The following TLN2 variants were observed in gnomAD, a reference collection of about 807,000 sequenced individuals.
TLN2 encodes talin-2.
A neutral mutation model predicts 294.7 loss-of-function variants in TLN2; 118 were observed. That is an observed-to-expected ratio of 0.40 (90% CI 0.34 to 0.47). The LOEUF is 0.47. TLN2 is among the 20% of genes least tolerant of loss of function. The probability of loss-of-function intolerance (pLI) is 0.84; values close to 1 mark genes in which losing one functional copy is unlikely to be tolerated. For synonymous variants in TLN2, 1,431 were observed against 1,304.5 expected (o/e 1.10, Z -2.09); for missense variants, 3,083 against 3,282.2 (o/e 0.94, Z 1.48).
chr15:62,585,426 A>G (rs1015048691), intron 1 of TLN2, among the ~76,000 whole-genome samples: 1 of 152,190 alleles, frequency 6.6e-6, no homozygotes, highest in Non-Finnish European at 1.5e-5. Flanking sequence ...AAGTATGAGT[A>G]TGATCATTTC....
chr15:62,425,835 A>G (rs2034677064), intron 1 of TLN2, among the ~76,000 whole-genome samples: 1 of 152,158 alleles, frequency 6.6e-6, no homozygotes, highest in Non-Finnish European at 1.5e-5. Context: ...TGCTCAGTTA[A>G]TTTACCATCA....
intron 9 of TLN2, among the ~76,000 whole-genome samples, chr15:62,673,417 G>A (rs868734248): frequency 5.1e-5 from 7 of 137,078 alleles, no homozygotes; most frequent in Non-Finnish European, 9.2e-5. Flanking sequence ...CTTGTTTTTC[G>A]CCTCTTCCAT....
In TLN2 at chr15:62,582,247, C is replaced by CACACACACACACACACACACAT. The variant is rs1412650912; in HGVS notation, c.-237-7439_-237-7438insCACACACACACACACACACATA. ...ACACACACACACACACACACACACA[C>CACACACACACACACACACACAT]ATTCATGCCTGACCCATTCCTGACC... is the stretch of plus-strand genomic sequence containing the variant. On this transcript the variant is annotated intron_variant, in intron 1 of 58. Coordinates refer to ENST00000636159, the MANE Select transcript of TLN2 (RefSeq NM_015059.3). Among the ~76,000 whole-genome samples the CACACACACACACACACACACAT allele has an allele frequency of 8.7e-5, 9 of 103,134 alleles. 1 individual carries two copies. Among genetic ancestry groups the CACACACACACACACACACACAT allele is most frequent in the South Asian group, 3.9e-4 (1 of 2,546 alleles). The allele number at this position is 103,134 out of a possible 152,430, so 67.7% of individuals were successfully genotyped here. A position where few individuals can be genotyped will look rare whatever the true frequency, so the allele number is the denominator to read the frequency against.
At chr15:62,740,538 C>G (rs1482406345) in intron 31 of TLN2, 92 bp from the exon 32 acceptor site, 1 of 1,549,498 alleles carries the variant, frequency 6.5e-7, no homozygotes, top group Non-Finnish European at 8.8e-7. Context: ...GGATAACCTG[C>G]CTGCATGTCA....
intron 1 of TLN2, among the ~76,000 whole-genome samples, chr15:62,524,509 C>T (rs1233512580): frequency 6.6e-6 from 1 of 152,184 alleles, no homozygotes; most frequent in African/African-American, 2.4e-5. Context: ...GAACAAAAGC[C>T]AGTCGTTTCT....
intron 54 of TLN2, 76 bp downstream of exon 54, chr15:62,820,686 G>A: frequency 1.3e-6 from 2 of 1,546,650 alleles, no homozygotes; most frequent in Non-Finnish European, 1.7e-6. Flanking sequence ...GGAGCTAGGA[G>A]TGCTGCAGGG....
chr15:62,570,935 G>A (rs1460119123), intron 1 of TLN2, among the ~76,000 whole-genome samples: 2 of 151,020 alleles, frequency 1.3e-5, no homozygotes, highest in Non-Finnish European at 2.9e-5. Flanking sequence ...GTGTGTGTGT[G>A]TGTGTGTGTA....
chr15:62,600,937 A>G (rs1287332511), intron 2 of TLN2, among the ~76,000 whole-genome samples: 7 of 152,194 alleles, frequency 4.6e-5, no homozygotes, highest in Non-Finnish European at 1.0e-4. Context: ...ATATCAAGCT[A>G]ATGTTCAAAT....
chr15:62,619,521 C>A (rs564925147), intron 3 of TLN2, among the ~76,000 whole-genome samples: 2 of 152,274 alleles, frequency 1.3e-5, no homozygotes, highest in African/African-American at 4.8e-5. Context: ...GACCCACCTG[C>A]CCCCCTGCCA....
intron 14 of TLN2, among the ~76,000 whole-genome samples, chr15:62,696,611 G>T (rs1414588596): frequency 6.6e-6 from 1 of 152,190 alleles, no homozygotes; most frequent in Non-Finnish European, 1.5e-5. Flanking sequence ...GGGAGGCTGA[G>T]GCAGGAGAAT....
At chr15:62,614,169 C>CA (rs1271613020) in intron 2 of TLN2, among the ~76,000 whole-genome samples, 1 of 152,080 alleles carries the variant, frequency 6.6e-6, no homozygotes, top group Non-Finnish European at 1.5e-5. Flanking sequence ...GCTTACTGTA[C>CA]AAAAAACCAA....
intron 52 of TLN2, among the ~76,000 whole-genome samples, chr15:62,812,578 G>A (rs896979771): frequency 1.3e-5 from 2 of 152,202 alleles, no homozygotes; most frequent in Non-Finnish European, 2.9e-5. Flanking sequence ...GCCAGCATTT[G>A]TCTTAGGGAG....
chr15:62,792,827 G>T (rs574227435), intron 46 of TLN2, 40 bp downstream of exon 46: 1 of 1,609,440 alleles, frequency 6.2e-7, no homozygotes, highest in South Asian at 1.1e-5. Context: ...AAGAACCTGC[G>T]CTGGCTCTCA....
intron 18 of TLN2, 108 bp from the exon 19 acceptor site, chr15:62,702,658 A>G: frequency 1.8e-6 from 2 of 1,086,468 alleles, no homozygotes; most frequent in Non-Finnish European, 2.8e-6. Flanking sequence ...TCTCACTGTC[A>G]GACAAAGGGA....
At position 62,653,262 on chromosome 15, in the gene TLN2, A is replaced by C. The variant is rs755035467; in HGVS notation, c.465A>C (p.Arg155=). The C allele has an allele frequency of 6.2e-7, 1 of 1,613,956 alleles. No individual in the cohort carries two copies. ...TCAAAAAAGACAGGACACTGTTACG[A>C]GATGAGAGGAAAATGGAGAAGTTGA... ...GTLKKDRTLL[R]DERKMEKLKA... Residue 155 remains arginine (R), a synonymous_variant, in exon 7 of 59, where the codon CGA becomes CGC. Transcript: ENST00000636159.
At chr15:62,831,551 C>T (rs568439865) in intron 54 of TLN2, 42 of 151,928 alleles carry the variant, frequency 2.8e-4, no homozygotes, top group African/African-American at 9.4e-4. Flanking sequence ...TCCTTTTATA[C>T]GAGAGTGTCT....
intron 14 of TLN2, 45 bp downstream of exon 14, chr15:62,694,437 A>G (rs779106040): frequency 6.4e-7 from 1 of 1,565,726 alleles, no homozygotes; most frequent in Non-Finnish European, 8.8e-7. Flanking sequence ...CTCCCTAGAT[A>G]GGTAGGTTTC....
At chr15:62,786,545 G>A (rs527847655) in intron 45 of TLN2, among the ~76,000 whole-genome samples, 11 of 152,270 alleles carry the variant, frequency 7.2e-5, no homozygotes, top group African/African-American at 2.6e-4. Flanking sequence ...GATCCTATGA[G>A]CCACAACTTC....
intron 19 of TLN2, among the ~76,000 whole-genome samples, chr15:62,703,625 GCGCACA>G (rs1239021081): frequency 0.046 from 3,566 of 78,260 alleles, 68 homozygotes; most frequent in South Asian, 0.098. Context: ...ACACACACGC[GCGCACA>G]CACACACACA....
Sources: gnomAD v4.1 joint callset for allele counts (sites outside exome capture counted in the v4.1 genomes callset) on GRCh38, gnomAD v4.1.1 for gene constraint, MANE v1.5 for transcripts, NCBI Gene and HGNC (gene_info 2026-07-23, HGNC 2026-07-21) for gene names.